Variants in RHEX observed in about 807,000 individuals in gnomAD.
RHEX encodes regulator of hemoglobinization and erythroid cell expansion protein.
Under a neutral mutation model 20.1 loss-of-function variants are expected in RHEX, and 18 were observed. That is an observed-to-expected ratio of 0.90 (90% CI 0.62 to 1.33). The LOEUF (loss-of-function observed/expected upper bound fraction) is 1.33, where lower values mean the gene tolerates loss of function less well. RHEX is among the 40% of genes most tolerant of loss of function. RHEX has a pLI of 0.00. For synonymous variants in RHEX, 87 were observed against 77.1 expected, an observed-to-expected ratio of 1.13 and a Z score of -0.67; for missense variants, 192 against 214.3, an observed-to-expected ratio of 0.90 and a Z score of 0.65.
chr1:206,054,693 G>A (rs982820517), intron 1 of RHEX, among the ~76,000 whole-genome samples: 4 of 152,188 alleles, frequency 2.6e-5, no homozygotes, highest in African/African-American at 4.8e-5. Context: ...CTTACCTTAT[G>A]GTCAAACATG....
chr1:206,056,742 G>A (rs1359193142), intron 1 of RHEX, among the ~76,000 whole-genome samples: 2 of 152,176 alleles, frequency 1.3e-5, no homozygotes, highest in African/African-American at 4.8e-5. Flanking sequence ...TTTGACACTT[G>A]TGCCACTATT....
rs142465702 is a variant in RHEX at position 206,083,708 on chromosome 1, C to T, written c.-96-14025C>T. 906 of 889,026 alleles carry T rather than the reference C, an allele frequency of 1.0e-3. 3 individuals are homozygous for T. The highest frequency in any genetic ancestry group is 1.2e-3 in the Non-Finnish European group (874 of 742,046). 55.1% of individuals were successfully genotyped at this position (889,026 alleles called of 1,614,324 possible). A position where few individuals can be genotyped will look rare whatever the true frequency, so the allele number is the denominator to read the frequency against. ...TTAGTTTGAAGTGTGCATTTGTTTG[C>T]GAGCATATATGTGTAGAAGTTTTAG... is the stretch of plus-strand genomic sequence containing the variant. On this transcript the variant is annotated intron_variant, in intron 1 of 5. Coordinates refer to ENST00000331555, the MANE Select transcript of RHEX (RefSeq NM_001007544.4).
chr1:206,080,075 C>T lies in RHEX; in HGVS notation c.-96-17658C>T, dbSNP rs541486189. On this transcript the variant is annotated intron_variant, in intron 1 of 5. Transcript: ENST00000331555. ...TTTCATCCTAATTGCAATGGGAAGC[C>T]GCTGGAGAATTCTGAGCAGAGGGTG... 6.6e-5 allele frequency among the ~76,000 whole-genome samples: 10 copies of T among 152,254 alleles called. No individual in the cohort carries two copies. The East Asian group carries it at 1.2e-3, about 18-fold the overall frequency.
chr1:206,078,991 A>G (rs892994156), intron 1 of RHEX, among the ~76,000 whole-genome samples: 1 of 152,198 alleles, frequency 6.6e-6, no homozygotes, highest in Non-Finnish European at 1.5e-5. Flanking sequence ...ACAATAATAA[A>G]TGATCTGAAT....
chr1:206,077,933 T>C (rs1306002756), intron 1 of RHEX, among the ~76,000 whole-genome samples: 4 of 152,236 alleles, frequency 2.6e-5, no homozygotes, highest in Non-Finnish European at 5.9e-5. Context: ...CCATGAATGA[T>C]GGTGATGCCA....
In RHEX at chr1:206,068,703, T is replaced by C. The variant is rs530991895; in HGVS notation, c.-97+15438T>C. Among the ~76,000 whole-genome samples, 6 of 152,316 alleles carry C rather than the reference T, an allele frequency of 3.9e-5. No homozygotes were observed. The East Asian group carries it at 1.2e-3, about 29-fold the overall frequency. On this transcript the variant is annotated intron_variant, in intron 1 of 5. Transcript: ENST00000331555. ...TTGTATATAAATCTTAATGGATAGG[T>C]TGACCTCAGCATAAAACTTGGGTGG...
intron 1 of RHEX, among the ~76,000 whole-genome samples, chr1:206,058,215 A>C (rs1315135017): frequency 1.3e-5 from 2 of 152,278 alleles, no homozygotes; most frequent in African/African-American, 4.8e-5. Context: ...TAAGAGTAAT[A>C]ATAGTAATAG....
intron 1 of RHEX, among the ~76,000 whole-genome samples, chr1:206,080,978 T>TACACACAC (rs1426622565): frequency 8.2e-5 from 12 of 145,780 alleles, no homozygotes; most frequent in African/African-American, 3.3e-4. Flanking sequence ...AATTTTTTTG[T>TACACACAC]ACATACACAC....
At chr1:206,070,220 T>C (rs1553284514) in intron 1 of RHEX, among the ~76,000 whole-genome samples, 3 of 152,172 alleles carry the variant, frequency 2.0e-5, no homozygotes, top group African/African-American at 7.2e-5. Context: ...TAGAAGGGTC[T>C]ATAGTCCTGC....
Position 206,097,783 on chromosome 1 carries a change from G to T in RHEX, c.-46G>T. The T allele has an allele frequency of 6.2e-7, 1 of 1,614,102 alleles. No homozygotes were observed. The highest frequency in any genetic ancestry group is 8.5e-7 in the Non-Finnish European group (1 of 1,180,000). ...TACTGAGAGACGAGGTGCCAGGGTG[G>T]TTCCTGAAAGTGCCTGAGCCCCAAC... On this transcript the variant is annotated 5_prime_UTR_variant, in exon 2 of 6. Coordinates refer to ENST00000331555, the MANE Select transcript of RHEX (RefSeq NM_001007544.4).
intron 1 of RHEX, chr1:206,083,687 T>G: frequency 1.0e-6 from 1 of 961,250 alleles, no homozygotes; most frequent in Non-Finnish European, 1.2e-6. Flanking sequence ...TTTAAATTAG[T>G]TTGAAGTGTG....
intron 4 of RHEX, 39 bp from the exon 5 acceptor site, chr1:206,101,097 G>A (rs782377685): frequency 2.6e-6 from 4 of 1,554,916 alleles, no homozygotes; most frequent in Non-Finnish European, 3.5e-6. Flanking sequence ...ACACCCTCTG[G>A]CTTGCTTTGG....
chr1:206,077,708 A>G (rs1347882536), intron 1 of RHEX, among the ~76,000 whole-genome samples: 1 of 152,178 alleles, frequency 6.6e-6, no homozygotes, highest in Non-Finnish European at 1.5e-5. Flanking sequence ...AGGCTACAAC[A>G]TCGTAGGTGG....
At chr1:206,060,219 C>A (rs2102305021) in intron 1 of RHEX, among the ~76,000 whole-genome samples, 1 of 152,024 alleles carries the variant, frequency 6.6e-6, no homozygotes, top group South Asian at 2.1e-4. Flanking sequence ...AATGATTGTT[C>A]CTATCTCAGG....
rs116333264 is a variant in RHEX, at chr1:206,097,703, G to A, written c.-96-30G>A. On this transcript the variant is annotated intron_variant, in intron 1 of 5. Transcript: ENST00000331555. ...AGGGAAATTTGTATAAAGAGCCCTG[G>A]AGTCCTGACCAGCTCCTTACCTCTT... The A allele has an allele frequency of 1.0e-3, 1,502 of 1,462,484 alleles. 22 individuals carry two copies. In the African/African-American group the frequency reaches 0.018, roughly 17 times the overall value. 90.6% of individuals were successfully genotyped at this position (1,462,484 alleles called of 1,614,324 possible).
At chr1:206,063,991 G>A (rs1553283743) in intron 1 of RHEX, among the ~76,000 whole-genome samples, 4 of 150,732 alleles carry the variant, frequency 2.7e-5, no homozygotes, top group East Asian at 2.0e-4. Flanking sequence ...AGTGAGGAGC[G>A]TCTCTGCCCG....
At chr1:206,100,331 G>A (rs1172941649) in intron 4 of RHEX, among the ~76,000 whole-genome samples, 1 of 152,222 alleles carries the variant, frequency 6.6e-6, no homozygotes, top group Non-Finnish European at 1.5e-5. Context: ...GAGCCAATAG[G>A]TCACTATTCA....
chr1:206,058,111 G>A (rs1480353695), intron 1 of RHEX, among the ~76,000 whole-genome samples: 1 of 152,250 alleles, frequency 6.6e-6, no homozygotes, highest in Non-Finnish European at 1.5e-5. Flanking sequence ...AACAAAACTG[G>A]CACATGCACC....
At chr1:206,075,961 A>G (rs1195841611) in intron 1 of RHEX, among the ~76,000 whole-genome samples, 1 of 152,150 alleles carries the variant, frequency 6.6e-6, no homozygotes, top group Non-Finnish European at 1.5e-5. Flanking sequence ...CCAGAAAGAC[A>G]CTGACTACAG....
Sources: gnomAD v4.1 joint callset for allele counts (sites outside exome capture counted in the v4.1 genomes callset) on GRCh38, gnomAD v4.1.1 for gene constraint, MANE v1.5 for transcripts, NCBI Gene and HGNC (gene_info 2026-07-23, HGNC 2026-07-21) for gene names.